RAB38: variants seen among roughly 807,000 people sequenced by gnomAD.
The protein encoded by RAB38 is ras-related protein Rab-38.
Under a neutral mutation model 18.4 loss-of-function variants are expected in RAB38, and 15 were observed. That is an observed-to-expected ratio of 0.82 (90% CI 0.55 to 1.26). The LOEUF (loss-of-function observed/expected upper bound fraction) is 1.26. Ranked by LOEUF, RAB38 falls within the 50% of genes most tolerant of loss-of-function variation. The pLI is 0.00. For synonymous variants in RAB38, 101 were observed against 104.4 expected, an observed-to-expected ratio of 0.97 and a Z score of 0.20; for missense variants, 294 against 267.4, an observed-to-expected ratio of 1.10 and a Z score of -0.69.
the RAB38 span, among the ~76,000 whole-genome samples, chr11:88,044,081 A>T: frequency 6.6e-6 from 1 of 152,072 alleles, no homozygotes; most frequent in Non-Finnish European, 1.5e-5. Context: ...TTTCGGGTAG[A>T]GACAAAGGAG....
At chr11:88,068,252 A>T in the RAB38 span, among the ~76,000 whole-genome samples, 1 of 152,110 alleles carries the variant, frequency 6.6e-6, no homozygotes, top group Admixed American at 6.5e-5. Context: ...TATGTAAAAT[A>T]TCTCGTTGGT....
chr11:88,029,862 C>T, the RAB38 span, among the ~76,000 whole-genome samples: 4 of 152,274 alleles, frequency 2.6e-5, no homozygotes, highest in African/African-American at 7.2e-5. Flanking sequence ...TTGAACTCAG[C>T]TCTGCACCAA....
chr11:87,962,624 T>C, the RAB38 span, among the ~76,000 whole-genome samples: 1 of 152,158 alleles, frequency 6.6e-6, no homozygotes, highest in Non-Finnish European at 1.5e-5. Flanking sequence ...AACTAATATA[T>C]AGTAATCCAA....
chr11:87,921,233 G>A, the RAB38 span, among the ~76,000 whole-genome samples: 1 of 152,144 alleles, frequency 6.6e-6, no homozygotes, highest in South Asian at 2.1e-4. Flanking sequence ...TCCATATTAA[G>A]TAGAAACGAT....
the RAB38 span, among the ~76,000 whole-genome samples, chr11:87,853,111 A>C: frequency 1.0e-3 from 155 of 152,288 alleles, no homozygotes; most frequent in African/African-American, 3.6e-3. Context: ...TATTTGGGTT[A>C]AAAGAGAGGA....
chr11:87,941,410 C>T, the RAB38 span, among the ~76,000 whole-genome samples: 1 of 151,096 alleles, frequency 6.6e-6, no homozygotes, highest in Non-Finnish European at 1.5e-5. Flanking sequence ...TCTTTTCTCC[C>T]CATTCAGGAA....
the RAB38 span, among the ~76,000 whole-genome samples, chr11:87,859,356 A>AAAAATGTATGCACTCTAAT: frequency 6.6e-6 from 1 of 152,000 alleles, no homozygotes; most frequent in South Asian, 2.1e-4. Context: ...TGGTTTGTAA[A>AAAAATGTATGCACTCTAAT]AAAATGTATG....
At chr11:87,844,380 C>T in the RAB38 span, among the ~76,000 whole-genome samples, 1 of 152,058 alleles carries the variant, frequency 6.6e-6, no homozygotes, top group Non-Finnish European at 1.5e-5. Context: ...TATGCCAGGC[C>T]TTATGCTAAG....
chr11:87,894,716 T>G, the RAB38 span, among the ~76,000 whole-genome samples: 19 of 150,254 alleles, frequency 1.3e-4, no homozygotes, highest in African/African-American at 4.1e-4. Context: ...TATGAAATAA[T>G]ATGTACACAT....
the RAB38 span, among the ~76,000 whole-genome samples, chr11:87,889,322 C>T: frequency 6.6e-6 from 1 of 151,858 alleles, no homozygotes; most frequent in African/African-American, 2.4e-5. Flanking sequence ...CATGACCTCC[C>T]AAATCCAAAC....
chr11:88,129,393 C>T (rs1326759447), intron 2 of RAB38, among the ~76,000 whole-genome samples: 1 of 152,126 alleles, frequency 6.6e-6, no homozygotes, highest in East Asian at 1.9e-4. Flanking sequence ...ATAATCCCAA[C>T]ACTTTGGGAG....
chr11:87,956,923 C>T, the RAB38 span, among the ~76,000 whole-genome samples: 72,997 of 151,410 alleles, frequency 0.48, 20,036 homozygotes, highest in Non-Finnish European at 0.62. Context: ...TTTTTGTACA[C>T]TGACATTTCT....
chr11:87,967,350 G>A, the RAB38 span, among the ~76,000 whole-genome samples: 119,850 of 152,114 alleles, frequency 0.79, 47,505 homozygotes, highest in East Asian at 0.84. Flanking sequence ...AATGAAATCA[G>A]TTAATGTGTG....
At chr11:87,823,830 T>C in the RAB38 span, among the ~76,000 whole-genome samples, 2 of 152,256 alleles carry the variant, frequency 1.3e-5, no homozygotes, top group East Asian at 1.9e-4. Flanking sequence ...GGAACACAGA[T>C]GATTTTTAAG....
chr11:87,894,788 CAT>C, the RAB38 span, among the ~76,000 whole-genome samples: 187 of 149,220 alleles, frequency 1.3e-3, no homozygotes, highest in Middle Eastern at 3.6e-3. Context: ...CATTATATAT[CAT>C]ATATATATAT....
At chr11:87,977,947 A>G in the RAB38 span, among the ~76,000 whole-genome samples, 1 of 113,526 alleles carries the variant, frequency 8.8e-6, no homozygotes, top group African/African-American at 3.5e-5. Flanking sequence ...ATAATATATT[A>G]ATATAATATA....
the RAB38 span, among the ~76,000 whole-genome samples, chr11:88,008,341 A>G: frequency 6.6e-6 from 1 of 152,224 alleles, no homozygotes; most frequent in Non-Finnish European, 1.5e-5. Context: ...AGTCGGTATT[A>G]ATTCCGAGAG....
chr11:87,917,529 GTTTT>G, the RAB38 span, among the ~76,000 whole-genome samples: 2 of 73,234 alleles, frequency 2.7e-5, no homozygotes, highest in Admixed American at 1.7e-4. Context: ...TCACTGAAGT[GTTTT>G]TTTTTTTTTT....
the RAB38 span, among the ~76,000 whole-genome samples, chr11:87,895,139 GTGAATT>G: frequency 6.6e-6 from 1 of 151,548 alleles, no homozygotes; most frequent in South Asian, 2.1e-4. Context: ...TGAAATGAGG[GTGAATT>G]GCTCTAGCGG....
Sources: gnomAD v4.1 joint callset for allele counts (sites outside exome capture counted in the v4.1 genomes callset) on GRCh38, gnomAD v4.1.1 for gene constraint, MANE v1.5 for transcripts, NCBI Gene and HGNC (gene_info 2026-07-23, HGNC 2026-07-21) for gene names.